HHIPL1: variants seen among roughly 807,000 people sequenced by gnomAD.
The protein encoded by HHIPL1 is HHIP-like protein 1.
Under a neutral mutation model 61.8 loss-of-function variants are expected in HHIPL1, and 43 were observed. The observed-to-expected ratio is 0.70, with a 90% CI of 0.55 to 0.90. The LOEUF is 0.90. HHIPL1 is among the 40% of genes least tolerant of loss of function. The probability of loss-of-function intolerance (pLI) is 0.00; values close to 1 mark genes in which losing one functional copy is unlikely to be tolerated. For missense variants in HHIPL1, 1,056 were observed against 1,157.7 expected, an observed-to-expected ratio of 0.91 and a Z score of 1.28; for synonymous variants, 482 against 515.8, an observed-to-expected ratio of 0.93 and a Z score of 0.89.
chr14:99,666,453 T>G (rs1353403947), intron 6 of HHIPL1, among the ~76,000 whole-genome samples: 1 of 152,180 alleles, frequency 6.6e-6, no homozygotes, highest in South Asian at 2.1e-4. Flanking sequence ...CCTTGCAGTC[T>G]GCCTGGTCCA....
chr14:99,646,228 C>T (rs1194915262), intron 1 of HHIPL1, among the ~76,000 whole-genome samples: 5 of 152,242 alleles, frequency 3.3e-5, no homozygotes, highest in Non-Finnish European at 7.3e-5. Context: ...CCCAAGTGGG[C>T]AAATGTTGCC....
chr14:99,659,071 C>T (rs888096985), intron 3 of HHIPL1, among the ~76,000 whole-genome samples: 1 of 152,076 alleles, frequency 6.6e-6, no homozygotes, highest in African/African-American at 2.4e-5. Context: ...GGCAACTGGG[C>T]GATGTTATTT....
the HHIPL1 span, among the ~76,000 whole-genome samples, chr14:99,637,168 A>G: frequency 5.6e-4 from 62 of 110,656 alleles, 2 homozygotes; most frequent in African/African-American, 1.8e-3. Context: ...GAAAGAAAGA[A>G]AAAGAAAGAA....
the HHIPL1 span, among the ~76,000 whole-genome samples, chr14:99,630,545 C>T: frequency 6.6e-6 from 1 of 152,124 alleles, no homozygotes; most frequent in Non-Finnish European, 1.5e-5. Context: ...ACCCAGGAAG[C>T]GGCTAGGAGG....
At chr14:99,671,978 G>T (rs954140887) in intron 7 of HHIPL1, among the ~76,000 whole-genome samples, 7 of 152,184 alleles carry the variant, frequency 4.6e-5, no homozygotes, top group Non-Finnish European at 8.8e-5. Context: ...ACGGCAGGCT[G>T]TGGGAGGAGA....
At chr14:99,626,192 C>G in the HHIPL1 span, among the ~76,000 whole-genome samples, 2 of 152,182 alleles carry the variant, frequency 1.3e-5, no homozygotes, top group East Asian at 3.9e-4. Flanking sequence ...GTGACCCCAG[C>G]AGGCATCTGC....
At chr14:99,640,688 T>G (rs1771605104), upstream of HHIPL1, among the ~76,000 whole-genome samples, 1 of 152,248 alleles carries the variant, frequency 6.6e-6, no homozygotes, top group Admixed American at 6.5e-5. Flanking sequence ...AAAGTCTACC[T>G]TCAAATAACA....
Position 99,660,129 on chromosome 14 carries a change from GCC to G in HHIPL1, c.1376-150_1376-149del. On this transcript the variant is annotated intron_variant, in intron 4 of 8. Coordinates refer to ENST00000330710, the MANE Select transcript of HHIPL1 (RefSeq NM_001127258.3). This position sits in a 1 kb window ranked among gnomAD's most constrained non-coding sequence, Gnocchi z 4.9. The stretch of plus-strand genomic sequence containing the variant: ...CCCCTGCAGACACGCTTTCCACCAC[GCC>G]AGCCCTGCTGTGGGCACGCCAGCCC... 4 of 671,334 alleles carry G rather than the reference GCC, an allele frequency of 6.0e-6. No individual in the cohort carries two copies. Among genetic ancestry groups the G allele is most frequent in the South Asian group, 2.6e-5 (1 of 38,834 alleles). 41.6% of individuals were successfully genotyped at this position (671,334 alleles called of 1,614,324 possible). A position where few individuals can be genotyped will look rare whatever the true frequency, so the allele number is the denominator to read the frequency against.
chr14:99,642,452 G>C (rs2055763768), upstream of HHIPL1, among the ~76,000 whole-genome samples: 1 of 151,976 alleles, frequency 6.6e-6, no homozygotes, highest in Non-Finnish European at 1.5e-5. Flanking sequence ...TGTTCTCCTC[G>C]GCAGTCTCAG....
At chr14:99,628,866 G>T in the HHIPL1 span, among the ~76,000 whole-genome samples, 2 of 152,166 alleles carry the variant, frequency 1.3e-5, no homozygotes, top group South Asian at 2.1e-4. Flanking sequence ...CACTGTGAAG[G>T]GTGGCAGGAG....
At chr14:99,637,000 G>GAAGAAGGA in the HHIPL1 span, among the ~76,000 whole-genome samples, 2 of 76,980 alleles carry the variant, frequency 2.6e-5, no homozygotes, top group African/African-American at 1.1e-4. Context: ...AAGAAAGAAA[G>GAAGAAGGA]AAGAAAGAAA....
chr14:99,629,750 G>A, the HHIPL1 span, among the ~76,000 whole-genome samples: 829 of 152,278 alleles, frequency 5.4e-3, 10 homozygotes, highest in African/African-American at 0.019. Context: ...TGATCTGCCC[G>A]CCTCAGCCTC....
the HHIPL1 span, among the ~76,000 whole-genome samples, chr14:99,633,740 G>A: frequency 6.6e-6 from 1 of 152,230 alleles, no homozygotes; most frequent in Non-Finnish European, 1.5e-5. Context: ...GCTGGGGCTG[G>A]AGCAGGAGAG....
the HHIPL1 span, among the ~76,000 whole-genome samples, chr14:99,607,892 C>T: frequency 1.3e-5 from 2 of 152,118 alleles, no homozygotes; most frequent in African/African-American, 2.4e-5. Context: ...AGTATATATG[C>T]ATTTATACAC....
At chr14:99,639,174 A>C in the HHIPL1 span, among the ~76,000 whole-genome samples, 1 of 152,236 alleles carries the variant, frequency 6.6e-6, no homozygotes, top group Admixed American at 6.5e-5. Flanking sequence ...TCTGGCTTCT[A>C]TATCACTATG....
Position 99,675,502 on chromosome 14 carries a change from A to C in HHIPL1, c.2225A>C (p.Asp742Ala), listed in dbSNP as rs2056380163. 1 of 1,542,930 alleles carries C rather than the reference A, an allele frequency of 6.5e-7. No homozygotes were observed. The highest frequency in any genetic ancestry group is 1.4e-5 in the African/African-American group (1 of 72,992). Residue 742 changes from aspartate to alanine, a missense_variant, in exon 9 of 9, where the codon GAT (aspartate) becomes GCT (alanine). Transcript: ENST00000330710. This position sits in a 1 kb window ranked among gnomAD's most constrained non-coding sequence, Gnocchi z 5.4. ...GGCTCGCTGCCCATTCTGCTGGACG[A>C]TGTGCGCTGCGCGGGCTGGGAGCGG... ...QGGSLPILLD[D>A]VRCAGWERNL...
At chr14:99,653,576 G>T (rs2055976362) in intron 2 of HHIPL1, among the ~76,000 whole-genome samples, 2 of 152,208 alleles carry the variant, frequency 1.3e-5, no homozygotes, top group Middle Eastern at 3.4e-3. Context: ...CAGGCAATCT[G>T]CCCGCCTCGG....
the HHIPL1 span, among the ~76,000 whole-genome samples, chr14:99,617,313 C>A: frequency 3.3e-5 from 5 of 152,124 alleles, no homozygotes; most frequent in African/African-American, 1.2e-4. Flanking sequence ...AACTAAGAAA[C>A]GCATAAATCC....
intron 1 of HHIPL1, among the ~76,000 whole-genome samples, chr14:99,649,132 C>T (rs750649325): frequency 1.3e-5 from 2 of 152,204 alleles, no homozygotes; most frequent in East Asian, 1.9e-4. Context: ...ACCACATTTA[C>T]GTCGTGTGTA....
Sources: allele counts gnomAD v4.1 joint callset (sites outside exome capture counted in the v4.1 genomes callset), GRCh38; gene constraint gnomAD v4.1.1; non-coding constraint Gnocchi (gnomAD v3.1); transcripts MANE v1.5; gene names NCBI Gene and HGNC (gene_info 2026-07-23, HGNC 2026-07-21).